AGBL4: variants seen among roughly 807,000 people sequenced by gnomAD.
AGBL4 encodes the protein cytosolic carboxypeptidase 6.
In AGBL4, 58 loss-of-function variants were observed where a neutral mutation model predicts 66.4. The observed-to-expected ratio is 0.87, with a 90% CI of 0.71 to 1.09. AGBL4 has a LOEUF of 1.09. Among genes scored for constraint, AGBL4 ranks in the 50% least tolerant of loss-of-function variants. The pLI is 0.00. For missense variants in AGBL4, 579 were observed against 631.0 expected (o/e 0.92, Z 0.88); for synonymous variants, 234 against 222.9 (o/e 1.05, Z -0.44).
chr1:48,616,339 C>T (rs1461505837), intron 9 of AGBL4, among the ~76,000 whole-genome samples: 2 of 152,080 alleles, frequency 1.3e-5, no homozygotes, highest in African/African-American at 4.8e-5. Flanking sequence ...GTTCAGAGCT[C>T]GTATAACCTC....
chr1:49,396,330 TTGTGTATGAATGTGTGTGTGTGCGTG>T (rs1488710017), intron 3 of AGBL4, among the ~76,000 whole-genome samples: 15 of 149,836 alleles, frequency 1.0e-4, no homozygotes, highest in Non-Finnish European at 3.0e-5. Flanking sequence ...AGGTAGGCAT[TTGTGTATGAATGTGTGTGTGTGCGTG>T]TGTGTATGAA....
chr1:48,938,741 A>G (rs1333391969), intron 5 of AGBL4, among the ~76,000 whole-genome samples: 2 of 152,262 alleles, frequency 1.3e-5, no homozygotes, highest in East Asian at 1.9e-4. Context: ...CCAGTTCTCT[A>G]TTTGGAACGC....
intron 6 of AGBL4, among the ~76,000 whole-genome samples, chr1:48,762,376 C>A (rs577643936): frequency 6.6e-6 from 1 of 152,224 alleles, no homozygotes; most frequent in African/African-American, 2.4e-5. Context: ...TGGATATGTT[C>A]AAAAATAAAA....
chr1:49,047,966 CATG>C (rs1218528407), intron 4 of AGBL4, among the ~76,000 whole-genome samples: 1 of 152,022 alleles, frequency 6.6e-6, no homozygotes, highest in Non-Finnish European at 1.5e-5. Context: ...GGAGAGAATA[CATG>C]ATGATCTACA....
intron 4 of AGBL4, among the ~76,000 whole-genome samples, chr1:49,142,194 G>A (rs1347635434): frequency 1.3e-5 from 2 of 152,018 alleles, no homozygotes; most frequent in Admixed American, 1.3e-4. Context: ...CCATCTCCCC[G>A]CTCTCCCACC....
intron 3 of AGBL4, among the ~76,000 whole-genome samples, chr1:49,378,824 G>T (rs1490022794): frequency 1.3e-5 from 2 of 152,124 alleles, no homozygotes; most frequent in African/African-American, 2.4e-5. Flanking sequence ...GAGTAGTAAT[G>T]GTCCAGCTCT....
intron 5 of AGBL4, among the ~76,000 whole-genome samples, chr1:48,897,968 C>G (rs1488729337): frequency 1.3e-5 from 2 of 151,936 alleles, no homozygotes; most frequent in African/African-American, 4.8e-5. Flanking sequence ...TGCCACCATA[C>G]CCGGCTAATT....
At chr1:48,757,699 A>C (rs1490250984) in intron 6 of AGBL4, among the ~76,000 whole-genome samples, 1 of 152,274 alleles carries the variant, frequency 6.6e-6, no homozygotes, top group African/African-American at 2.4e-5. Flanking sequence ...ACCTACAAAT[A>C]TAAGTAAATT....
intron 4 of AGBL4, among the ~76,000 whole-genome samples, chr1:49,159,734 C>G (rs535888975): frequency 2.6e-5 from 4 of 152,120 alleles, no homozygotes; most frequent in Non-Finnish European, 2.9e-5. Flanking sequence ...TCACATATCC[C>G]ATATTTCTTG....
At chr1:49,166,947 C>T (rs765785193) in intron 4 of AGBL4, among the ~76,000 whole-genome samples, 51 of 152,162 alleles carry the variant, frequency 3.4e-4, no homozygotes, top group Non-Finnish European at 5.4e-4. Flanking sequence ...GTTTCAGGAA[C>T]ACATTAATAG....
intron 6 of AGBL4, among the ~76,000 whole-genome samples, chr1:48,666,801 A>G (rs1325114828): frequency 6.6e-6 from 1 of 152,234 alleles, no homozygotes; most frequent in Non-Finnish European, 1.5e-5. Context: ...AAGGAGGACA[A>G]TATCATCCCA....
At chr1:48,776,175 G>C (rs910121179) in intron 6 of AGBL4, among the ~76,000 whole-genome samples, 1 of 152,190 alleles carries the variant, frequency 6.6e-6, no homozygotes, top group Admixed American at 6.5e-5. Context: ...TAAAGGGAGA[G>C]AGACAGACAG....
At chr1:49,533,037 A>T (rs547555159) in intron 3 of AGBL4, among the ~76,000 whole-genome samples, 20 of 152,010 alleles carry the variant, frequency 1.3e-4, no homozygotes, top group African/African-American at 3.9e-4. Flanking sequence ...ATTCCTACCT[A>T]CCTCTCAGTC....
At chr1:49,750,107 CA>C (rs1251118515) in intron 2 of AGBL4, among the ~76,000 whole-genome samples, 1 of 152,034 alleles carries the variant, frequency 6.6e-6, no homozygotes, top group Non-Finnish European at 1.5e-5. Context: ...AAACCATATA[CA>C]AAAATTACCT....
chr1:49,325,191 T>C (rs924156115), intron 3 of AGBL4, among the ~76,000 whole-genome samples: 8 of 152,126 alleles, frequency 5.3e-5, no homozygotes, highest in African/African-American at 1.9e-4. Flanking sequence ...CCCAGCTAAT[T>C]TCTTTTTGTA....
At chr1:50,002,239 T>C (rs1660808215) in intron 1 of AGBL4, among the ~76,000 whole-genome samples, 1 of 152,116 alleles carries the variant, frequency 6.6e-6, no homozygotes, top group Admixed American at 6.5e-5. Flanking sequence ...ACACCAAAGG[T>C]AATCGGCTTT....
chr1:49,730,992 G>A (rs181472738), intron 2 of AGBL4, among the ~76,000 whole-genome samples: 1 of 152,298 alleles, frequency 6.6e-6, no homozygotes, highest in Admixed American at 6.5e-5. Context: ...GTTGCAGGAG[G>A]CTGACTTCTA....
At chr1:49,926,902 T>C (rs1360817223) in intron 1 of AGBL4, among the ~76,000 whole-genome samples, 1 of 152,076 alleles carries the variant, frequency 6.6e-6, no homozygotes. Context: ...GGAGTATTAA[T>C]TCACACAATC....
intron 3 of AGBL4, among the ~76,000 whole-genome samples, chr1:49,522,794 A>G (rs1428242929): frequency 6.6e-6 from 1 of 152,118 alleles, no homozygotes; most frequent in East Asian, 1.9e-4. Context: ...TTTCTGATAC[A>G]GTGTAGAAGC....
Sources: gnomAD v4.1 joint callset for allele counts (sites outside exome capture counted in the v4.1 genomes callset) on GRCh38, gnomAD v4.1.1 for gene constraint, MANE v1.5 for transcripts, NCBI Gene and HGNC (gene_info 2026-07-23, HGNC 2026-07-21) for gene names.